The following DNAJA2 variants were observed in gnomAD, a reference collection of about 807,000 sequenced individuals.
DNAJA2 encodes DnaJ heat shock protein family (Hsp40) member A2, also known as dnaJ homolog subfamily A member 2.
DNAJA2 carries 6 observed loss-of-function variants against 49.3 expected under a neutral mutation model. That is an observed-to-expected ratio of 0.12 (90% confidence interval 0.07 to 0.24). The LOEUF (loss-of-function observed/expected upper bound fraction) is 0.24, where lower values mean the gene tolerates loss of function less well. Ranked by LOEUF, DNAJA2 falls within the 10% of genes least tolerant of loss-of-function variation. The pLI is 1.00. For synonymous variants in DNAJA2, 160 were observed against 172.7 expected (o/e 0.93, Z 0.58); for missense variants, 347 against 516.8 (o/e 0.67, Z 3.19).
chr16:46,968,601 T>C (rs1337036973), intron 3 of DNAJA2, among the ~76,000 whole-genome samples: 2 of 152,332 alleles, frequency 1.3e-5, no homozygotes, highest in Middle Eastern at 3.4e-3. Flanking sequence ...CAAGATCACA[T>C]AGGTATCTGG....
At chr16:46,961,416 C>T (rs1434109793) in intron 6 of DNAJA2, among the ~76,000 whole-genome samples, 3 of 151,776 alleles carry the variant, frequency 2.0e-5, no homozygotes, top group East Asian at 1.9e-4. Context: ...GGGCAGGGCA[C>T]GGTGGCTCAC....
At chr16:46,969,737 A>T (rs1430154186) in intron 3 of DNAJA2, among the ~76,000 whole-genome samples, 1 of 152,244 alleles carries the variant, frequency 6.6e-6, no homozygotes, top group Non-Finnish European at 1.5e-5. Context: ...ATAAAAGGTA[A>T]ATAAATCATA....
intron 8 of DNAJA2, chr16:46,958,748 C>T: frequency 5.8e-6 from 2 of 343,438 alleles, no homozygotes; most frequent in South Asian, 1.4e-4. Flanking sequence ...CACTGCACTC[C>T]AGCTTGGGTG....
intron 6 of DNAJA2, among the ~76,000 whole-genome samples, chr16:46,959,803 T>C (rs935208561): frequency 2.0e-5 from 3 of 152,046 alleles, no homozygotes; most frequent in African/African-American, 7.2e-5. Flanking sequence ...CCAGACATGA[T>C]CGTAACAGGG....
intron 3 of DNAJA2, among the ~76,000 whole-genome samples, chr16:46,969,753 C>T (rs911956152): frequency 6.6e-6 from 1 of 152,102 alleles, no homozygotes; most frequent in Non-Finnish European, 1.5e-5. Flanking sequence ...TCATAGAATG[C>T]AGTATTATAA....
chr16:46,957,045 T>C lies in DNAJA2; in HGVS notation c.1223A>G (p.Gln408Arg). The C allele has an allele frequency of 6.2e-7, 1 of 1,614,222 alleles. No individual in the cohort carries two copies. The highest frequency in any genetic ancestry group is 8.5e-7 in the Non-Finnish European group (1 of 1,180,046). ...ESSSHHGPGV[Q>R]CAHQ Reference sequence around the variant, plus strand: ...TTGCAGAGTTTACTGATGGGCACACTGCACTCCAGGTCCATGATGGCTGCT... The same window carrying C: ...TTGCAGAGTTTACTGATGGGCACACCGCACTCCAGGTCCATGATGGCTGCT... Residue 408 changes from glutamine (Q) to arginine (R), a missense_variant, in exon 9 of 9, where the codon CAG (glutamine) becomes CGG (arginine). Transcript: ENST00000317089.
chr16:46,972,167 G>A (rs750760385), intron 1 of DNAJA2: 8 of 515,450 alleles, frequency 1.6e-5, no homozygotes, highest in Non-Finnish European at 2.4e-5. Context: ...TTGAAAACAG[G>A]TTACAGTGAC....
At chr16:46,958,602 TAAAC>T (rs1278560412) in intron 8 of DNAJA2, 5 of 142,878 alleles carry the variant, frequency 3.5e-5, no homozygotes, top group South Asian at 2.3e-4. Flanking sequence ...AAAAACCCCA[TAAAC>T]AAACAAACAA....
chr16:46,963,598 G>A lies in DNAJA2; in HGVS notation c.774+1013C>T, dbSNP rs766967764. 5.9e-5 allele frequency among the ~76,000 whole-genome samples: 9 copies of A among 152,010 alleles called. No homozygotes were observed. In the South Asian group the frequency reaches 1.9e-3, roughly 32 times the overall value. ...CACCAGTTGTCCCAGCTACTTGGGAGGCTGAGATGGGAGGATTGCTTGGGC... is the reference window on the plus strand; with the variant it reads ...CACCAGTTGTCCCAGCTACTTGGGAAGCTGAGATGGGAGGATTGCTTGGGC... On this transcript the variant is annotated intron_variant, in intron 6 of 8. Coordinates refer to ENST00000317089, the MANE Select transcript of DNAJA2 (RefSeq NM_005880.4).
chr16:46,972,188 G>C (rs1962062228), intron 1 of DNAJA2: 1 of 475,804 alleles, frequency 2.1e-6, no homozygotes, highest in Non-Finnish European at 3.7e-6. Context: ...GTGAAAACCA[G>C]ATAAAACAAT....
At chr16:46,970,952 C>T (rs1481124381) in intron 3 of DNAJA2, among the ~76,000 whole-genome samples, 5 of 151,250 alleles carry the variant, frequency 3.3e-5, no homozygotes, top group South Asian at 2.1e-4. Context: ...GCAGGAGAAT[C>T]GCTTGAACCC....
intron 3 of DNAJA2, among the ~76,000 whole-genome samples, chr16:46,968,909 T>C (rs775433897): frequency 6.6e-5 from 10 of 152,052 alleles, no homozygotes; most frequent in Non-Finnish European, 1.3e-4. Flanking sequence ...ATTAGCCAGG[T>C]GTAGTGGCAT....
chr16:46,955,757 T>TA lies in DNAJA2; in HGVS notation c.*1271dup, dbSNP rs1199182343. ...TCTCTTTCCTCAAATAAGTGTGTTCTAAAAATACCTACTGAGTGAAATGGT... is the reference window on the plus strand; with the variant it reads ...TCTCTTTCCTCAAATAAGTGTGTTCTAAAAAATACCTACTGAGTGAAATGGT... On this transcript the variant is annotated 3_prime_UTR_variant, in exon 9 of 9. Coordinates refer to ENST00000317089, the MANE Select transcript of DNAJA2 (RefSeq NM_005880.4). 1 of 152,164 alleles carries TA rather than the reference T, an allele frequency of 6.6e-6. No individual in the cohort carries two copies. Among genetic ancestry groups the TA allele is most frequent in the Non-Finnish European group, 1.5e-5 (1 of 68,032 alleles). 9.4% of individuals were successfully genotyped at this position (152,164 alleles called of 1,614,324 possible). A position where few individuals can be genotyped will look rare whatever the true frequency, so the allele number is the denominator to read the frequency against.
intron 1 of DNAJA2, 118 bp downstream of exon 1, chr16:46,973,377 G>A: frequency 2.2e-6 from 2 of 911,024 alleles, no homozygotes; most frequent in Non-Finnish European, 2.9e-6. Flanking sequence ...CCCAGCCCGG[G>A]CCAGTCACGG....
Position 46,971,889 on chromosome 16 carries a change from A to G in DNAJA2, c.138+7T>C. 2 of 1,608,448 alleles carry G rather than the reference A, an allele frequency of 1.2e-6. No individual in the cohort carries two copies. The highest frequency in any genetic ancestry group is 1.7e-6 in the Non-Finnish European group (2 of 1,175,214). On this transcript the variant is annotated splice_region_variant and intron_variant, in intron 2 of 8. Transcript: ENST00000317089. ...CCCCCGGAATAAAAAAGGTGCAAAT[A>G]ACTTACTTTGTCTCCTGCATTTGGA...
intron 5 of DNAJA2, among the ~76,000 whole-genome samples, chr16:46,965,023 A>G (rs1202777173): frequency 6.6e-6 from 1 of 152,110 alleles, no homozygotes; most frequent in Non-Finnish European, 1.5e-5. Flanking sequence ...ATCTGAGACC[A>G]GCCTAGCAAC....
At position 46,959,105 on chromosome 16, in the gene DNAJA2, T is replaced by C; in HGVS notation, c.945A>G (p.Glu315=). ...AGGGATTACGATACTGCGGCATCCC[T>C]TCACCTCGAACTACACGAACACACC... The part of the protein sequence containing the change: ...EPGCVRVVRG[E]GMPQYRNPFE... Residue 315 remains glutamate, a synonymous_variant, in exon 8 of 9, where the codon GAA becomes GAG. Transcript: ENST00000317089. The C allele has an allele frequency of 6.4e-7, 1 of 1,562,454 alleles. No homozygotes were observed. Among genetic ancestry groups the C allele is most frequent in the Non-Finnish European group, 8.7e-7 (1 of 1,155,684 alleles).
At chr16:46,959,175 T>C (rs752924659) in intron 7 of DNAJA2, 45 bp from the exon 8 acceptor site, 2 of 1,572,936 alleles carry the variant, frequency 1.3e-6, no homozygotes, top group South Asian at 2.4e-5. Context: ...CCAAAAGAGG[T>C]GTTCAATTTT....
chr16:46,973,386 G>C, intron 1 of DNAJA2, 109 bp downstream of exon 1: 1 of 1,024,602 alleles, frequency 9.8e-7, no homozygotes, highest in Non-Finnish European at 1.3e-6. Context: ...GGCCAGTCAC[G>C]GCCGGCGCCG....
Sources: gnomAD v4.1 joint callset for allele counts (sites outside exome capture counted in the v4.1 genomes callset) on GRCh38, gnomAD v4.1.1 for gene constraint, MANE v1.5 for transcripts, NCBI Gene and HGNC (gene_info 2026-07-23, HGNC 2026-07-21) for gene names.